Variants in CPLX1 observed in about 807,000 individuals in gnomAD.
CPLX1 encodes complexin 1, also known as complexin-1.
Under a neutral mutation model 15.6 loss-of-function variants are expected in CPLX1, and 6 were observed. The observed-to-expected ratio is 0.39, with a 90% CI of 0.21 to 0.76. The LOEUF (loss-of-function observed/expected upper bound fraction) is 0.76. Ranked by LOEUF, CPLX1 falls within the 30% of genes least tolerant of loss-of-function variation. CPLX1 has a pLI of 0.43. For synonymous variants in CPLX1, 91 were observed against 75.2 expected (o/e 1.21, Z -1.08); for missense variants, 242 against 188.6 (o/e 1.28, Z -1.66).
chr4:789,640 G>A (rs752666526), intron 3 of CPLX1, among the ~76,000 whole-genome samples: 3 of 152,196 alleles, frequency 2.0e-5, no homozygotes, highest in East Asian at 1.9e-4. Flanking sequence ...GTCAGTGCGC[G>A]GAGCACAGCG....
chr4:799,614 G>C (rs758531544), intron 2 of CPLX1, among the ~76,000 whole-genome samples: 94 of 152,214 alleles, frequency 6.2e-4, no homozygotes, highest in Non-Finnish European at 1.2e-3. Flanking sequence ...TGTAATCCCA[G>C]CACTTTGGGA....
chr4:808,525 G>A (rs547416466), intron 2 of CPLX1, among the ~76,000 whole-genome samples: 1 of 152,312 alleles, frequency 6.6e-6, no homozygotes, highest in African/African-American at 2.4e-5. Flanking sequence ...GCAGGCAGAG[G>A]AAAGGAGTTT....
At chr4:808,581 A>G (rs560460786) in intron 2 of CPLX1, among the ~76,000 whole-genome samples, 23 of 152,380 alleles carry the variant, frequency 1.5e-4, no homozygotes, top group African/African-American at 5.5e-4. Flanking sequence ...ACAAATGTCA[A>G]AAGAGTCAGC....
intron 2 of CPLX1, among the ~76,000 whole-genome samples, chr4:811,498 T>G (rs1746665235): frequency 6.6e-6 from 1 of 152,190 alleles, no homozygotes; most frequent in African/African-American, 2.4e-5. Context: ...TAGAAGTGTG[T>G]TGTTTAGTTT....
At chr4:810,800 G>A (rs1746654632) in intron 2 of CPLX1, among the ~76,000 whole-genome samples, 1 of 151,522 alleles carries the variant, frequency 6.6e-6, no homozygotes, top group Non-Finnish European at 1.5e-5. Context: ...GGGTTCAAGT[G>A]ATTCTTCTGC....
chr4:786,493 G>GCTGTCC lies in CPLX1; in HGVS notation c.*7_*8insGGACAG. ...GGGGGCTCCGCGGGGCCGCTGTCCC[G>GCTGTCC]CGCGCGGCTACTTCTTGAGCATGTC... On this transcript the variant is annotated 3_prime_UTR_variant, in exon 4 of 4. Transcript: ENST00000304062. 6.4e-7 allele frequency: 1 copy of GCTGTCC among 1,555,518 alleles called. No homozygotes were observed. Among genetic ancestry groups the GCTGTCC allele is most frequent in the Non-Finnish European group, 8.7e-7 (1 of 1,148,144 alleles).
intron 2 of CPLX1, among the ~76,000 whole-genome samples, chr4:798,875 C>A (rs1420172266): frequency 6.6e-6 from 1 of 152,186 alleles, no homozygotes; most frequent in Non-Finnish European, 1.5e-5. Context: ...GAGAAAATTT[C>A]TGGGACTTTG....
At chr4:823,148 G>A (rs73060346) in intron 2 of CPLX1, among the ~76,000 whole-genome samples, 99 of 152,246 alleles carry the variant, frequency 6.5e-4, no homozygotes, top group African/African-American at 2.3e-3. Flanking sequence ...TTAATTATCC[G>A]TAACAGCCTG....
rs948890711 is a variant in CPLX1 at position 786,703 on chromosome 4, G to T, written c.208-5C>A. 1.0e-5 allele frequency: 16 copies of T among 1,586,818 alleles called. No homozygotes were observed. Among genetic ancestry groups the T allele is most frequent in the Non-Finnish European group, 1.4e-5 (16 of 1,164,958 alleles). On this transcript the variant is annotated splice_polypyrimidine_tract_variant and splice_region_variant and intron_variant, in intron 3 of 3. Transcript: ENST00000304062. ...CTCCTTCTTCTTGATGCCGTACTGC[G>T]GGGGAGGCGGGGGTCAGGGCGGGGG...
At chr4:820,458 C>T (rs1362965806) in intron 2 of CPLX1, among the ~76,000 whole-genome samples, 1 of 152,168 alleles carries the variant, frequency 6.6e-6, no homozygotes, top group African/African-American at 2.4e-5. Context: ...GACACCCAAC[C>T]TTGCCCATGG....
intron 3 of CPLX1, among the ~76,000 whole-genome samples, chr4:789,565 G>A (rs772781146): frequency 3.9e-5 from 6 of 152,200 alleles, no homozygotes; most frequent in Non-Finnish European, 5.9e-5. Context: ...GAAGGCCCGT[G>A]CAGGAAGGCC....
At chr4:825,589 G>C (rs1746964253) in intron 1 of CPLX1, among the ~76,000 whole-genome samples, 1 of 151,968 alleles carries the variant, frequency 6.6e-6, no homozygotes, top group African/African-American at 2.4e-5. Context: ...TCAGGCGGGA[G>C]CGCGCCAGGA....
At chr4:804,947 C>G in intron 2 of CPLX1, 2 of 983,550 alleles carry the variant, frequency 2.0e-6, no homozygotes, top group Non-Finnish European at 2.4e-6. Context: ...GCGGAGTTCA[C>G]CCGGCGTCCC....
At chr4:793,313 T>C (rs947790861) in intron 2 of CPLX1, among the ~76,000 whole-genome samples, 1 of 151,498 alleles carries the variant, frequency 6.6e-6, no homozygotes, top group Admixed American at 6.6e-5. Context: ...GGAGCTGGCA[T>C]GGGGGTTGGC....
At chr4:825,218 G>A (rs1746955426) in intron 1 of CPLX1, among the ~76,000 whole-genome samples, 1 of 152,130 alleles carries the variant, frequency 6.6e-6, no homozygotes, top group African/African-American at 2.4e-5. Flanking sequence ...GGGCGTGCAT[G>A]GGGTGGGGTG....
intron 2 of CPLX1, among the ~76,000 whole-genome samples, chr4:817,576 G>T (rs1254220339): frequency 2.0e-5 from 3 of 151,808 alleles, no homozygotes; most frequent in African/African-American, 4.8e-5. Context: ...AAAAAAATCA[G>T]TCCAAGGAGA....
chr4:809,586 A>C (rs1291083720), intron 2 of CPLX1, among the ~76,000 whole-genome samples: 1 of 152,270 alleles, frequency 6.6e-6, no homozygotes, highest in Non-Finnish European at 1.5e-5. Flanking sequence ...TGACCATCAC[A>C]AAGGTAGGCG....
rs369328882 is a variant in CPLX1 at position 810,758 on chromosome 4, G to A, written c.31+13734C>T. Among the ~76,000 whole-genome samples, 370 of 150,584 alleles carry A rather than the reference G, an allele frequency of 2.5e-3. 8 individuals carry two copies. In the South Asian group the frequency reaches 0.061, roughly 25 times the overall value. ...GTTGCCCAGGCTGGAGTGCAATGGC[G>A]TGGTCTTGGCTCACTGCAACCTCCA... On this transcript the variant is annotated intron_variant, in intron 2 of 3. Transcript: ENST00000304062.
intron 1 of CPLX1, among the ~76,000 whole-genome samples, chr4:825,132 G>C (rs1187553315): frequency 6.6e-6 from 1 of 152,130 alleles, no homozygotes; most frequent in Non-Finnish European, 1.5e-5. Context: ...AGAAGAGATC[G>C]GGGTTGGGGA....
Sources: gnomAD v4.1 joint callset for allele counts (sites outside exome capture counted in the v4.1 genomes callset) on GRCh38, gnomAD v4.1.1 for gene constraint, MANE v1.5 for transcripts, NCBI Gene and HGNC (gene_info 2026-07-23, HGNC 2026-07-21) for gene names.